SLC44A3: variants seen among roughly 807,000 people sequenced by gnomAD.
SLC44A3 encodes choline transporter-like protein 3.
In SLC44A3, 74 loss-of-function variants were observed where a neutral mutation model predicts 75.4. That is an observed-to-expected ratio of 0.98 (90% confidence interval 0.81 to 1.19). SLC44A3 has a LOEUF of 1.19. SLC44A3 is among the 50% of genes most tolerant of loss of function. The probability of loss-of-function intolerance (pLI) is 0.00; values close to 1 mark genes in which losing one functional copy is unlikely to be tolerated. For synonymous variants in SLC44A3, 310 were observed against 296.9 expected (o/e 1.04, Z -0.45); for missense variants, 700 against 778.6 (o/e 0.90, Z 1.20).
intron 8 of SLC44A3, 100 bp from the exon 9 acceptor site, chr1:94,845,178 G>A (rs1298816982): frequency 8.2e-7 from 1 of 1,222,588 alleles, no homozygotes; most frequent in African/African-American, 1.5e-5. Context: ...TCTTAAAAGA[G>A]CTGTTTGCTG....
chr1:94,892,368 T>C lies in SLC44A3; in HGVS notation c.1708T>C (p.Leu570=). 1.9e-6 allele frequency: 3 copies of C among 1,614,234 alleles called. No homozygotes were observed. The highest frequency in any genetic ancestry group is 2.5e-6 in the Non-Finnish European group (3 of 1,180,038). ...AFQVWAVPLL[L]VAFFAYLVAH... ...CCAGGTGTGGGCAGTCCCTCTGTTATTGGTAGCTTTTTTTGCCTACTTAGT... is the reference window on the plus strand; with the variant it reads ...CCAGGTGTGGGCAGTCCCTCTGTTACTGGTAGCTTTTTTTGCCTACTTAGT... Residue 570 remains leucine (L), a synonymous_variant, in exon 14 of 15, where the codon TTG becomes CTG. Transcript: ENST00000271227.
At chr1:94,822,395 GAGTC>G (rs1660733377) in intron 2 of SLC44A3, among the ~76,000 whole-genome samples, 1 of 152,216 alleles carries the variant, frequency 6.6e-6, no homozygotes, top group Admixed American at 6.5e-5. Context: ...TCTGTTTTAA[GAGTC>G]AGAGTCCTTT....
intron 2 of SLC44A3, among the ~76,000 whole-genome samples, chr1:94,823,853 C>T (rs151305712): frequency 1.9e-4 from 29 of 152,228 alleles, no homozygotes; most frequent in Non-Finnish European, 3.1e-4. Flanking sequence ...ATTAATGGCA[C>T]AGTTGTTTGA....
At chr1:94,849,057 ACTGCCAGCCTGTGCCC>A (rs923650313) in intron 9 of SLC44A3, among the ~76,000 whole-genome samples, 3 of 148,280 alleles carry the variant, frequency 2.0e-5, no homozygotes, top group African/African-American at 7.9e-5. Flanking sequence ...GTGCCCCTTA[ACTGCCAGCCTGTGCCC>A]CTGACTAGGT....
intron 3 of SLC44A3, among the ~76,000 whole-genome samples, chr1:94,827,071 C>G (rs1661464434): frequency 6.6e-6 from 1 of 152,202 alleles, no homozygotes; most frequent in Admixed American, 6.5e-5. Context: ...GCCTTGGCCC[C>G]CTCCTTTCCA....
At chr1:94,850,474 G>A (rs563092817) in intron 9 of SLC44A3, among the ~76,000 whole-genome samples, 12 of 152,264 alleles carry the variant, frequency 7.9e-5, no homozygotes, top group East Asian at 1.9e-4. Flanking sequence ...GACTTCCCGC[G>A]AGGTCTGTGC....
intron 10 of SLC44A3, among the ~76,000 whole-genome samples, chr1:94,857,963 G>A (rs975103042): frequency 1.3e-5 from 2 of 151,940 alleles, no homozygotes; most frequent in South Asian, 4.2e-4. Flanking sequence ...AAAGGCATGC[G>A]CCATCACACT....
At chr1:94,871,773 C>T (rs187309360) in intron 12 of SLC44A3, among the ~76,000 whole-genome samples, 2 of 152,266 alleles carry the variant, frequency 1.3e-5, no homozygotes, top group East Asian at 3.9e-4. Context: ...TTCATTTTTG[C>T]ATACAACAAG....
chr1:94,850,665 A>G (rs1665108103), intron 9 of SLC44A3, among the ~76,000 whole-genome samples: 1 of 152,180 alleles, frequency 6.6e-6, no homozygotes, highest in Admixed American at 6.5e-5. Context: ...CCATTTTTGC[A>G]ATGGAAAACT....
intron 9 of SLC44A3, among the ~76,000 whole-genome samples, chr1:94,846,980 G>A (rs1452336354): frequency 6.6e-6 from 1 of 152,256 alleles, no homozygotes; most frequent in East Asian, 1.9e-4. Context: ...CATGGCCCTT[G>A]GAGGCCTATG....
intron 12 of SLC44A3, among the ~76,000 whole-genome samples, chr1:94,885,121 T>C (rs1389173595): frequency 3.4e-5 from 5 of 147,660 alleles, no homozygotes; most frequent in Non-Finnish European, 7.4e-5. Context: ...TGGGTGCCTG[T>C]TGTCCCAATT....
chr1:94,882,620 C>T (rs1472389403), intron 12 of SLC44A3, among the ~76,000 whole-genome samples: 1 of 152,170 alleles, frequency 6.6e-6, no homozygotes, highest in African/African-American at 2.4e-5. Flanking sequence ...GGTCCTCTAA[C>T]TTGGACCTGC....
chr1:94,831,003 T>G (rs1662050937), intron 5 of SLC44A3, among the ~76,000 whole-genome samples: 1 of 152,206 alleles, frequency 6.6e-6, no homozygotes, highest in African/African-American at 2.4e-5. Context: ...TTTAAGTTCA[T>G]ACATCCAGCA....
chr1:94,847,229 C>T (rs1222731523), intron 9 of SLC44A3, among the ~76,000 whole-genome samples: 1 of 152,230 alleles, frequency 6.6e-6, no homozygotes, highest in Non-Finnish European at 1.5e-5. Flanking sequence ...AGGATCCATG[C>T]CAGCCTAGTT....
At chr1:94,859,315 A>G (rs1666291103) in intron 10 of SLC44A3, among the ~76,000 whole-genome samples, 1 of 152,192 alleles carries the variant, frequency 6.6e-6, no homozygotes, top group Non-Finnish European at 1.5e-5. Context: ...AGCCACTCAA[A>G]AAATCATGAA....
chr1:94,849,097 A>G (rs1049655595), intron 9 of SLC44A3, among the ~76,000 whole-genome samples: 2 of 152,114 alleles, frequency 1.3e-5, no homozygotes, highest in Non-Finnish European at 2.9e-5. Flanking sequence ...GGTTGGGCCC[A>G]GGGCTTAGTA....
chr1:94,825,565 G>A (rs1476893914), intron 3 of SLC44A3, among the ~76,000 whole-genome samples: 1 of 152,058 alleles, frequency 6.6e-6, no homozygotes, highest in Non-Finnish European at 1.5e-5. Flanking sequence ...TCCTGACCTT[G>A]TGATCTGTCA....
At chr1:94,850,168 T>C (rs1665021575) in intron 9 of SLC44A3, among the ~76,000 whole-genome samples, 1 of 152,226 alleles carries the variant, frequency 6.6e-6, no homozygotes, top group East Asian at 1.9e-4. Flanking sequence ...TTCTTTTGAC[T>C]AGTTGACAAA....
At chr1:94,887,182 GC>G (rs1452875244) in intron 12 of SLC44A3, among the ~76,000 whole-genome samples, 1 of 152,100 alleles carries the variant, frequency 6.6e-6, no homozygotes, top group African/African-American at 2.4e-5. Context: ...AAATACAAAT[GC>G]TCAGAACAAG....
Sources: allele counts gnomAD v4.1 joint callset (sites outside exome capture counted in the v4.1 genomes callset), GRCh38; gene constraint gnomAD v4.1.1; transcripts MANE v1.5; gene names NCBI Gene and HGNC (gene_info 2026-07-23, HGNC 2026-07-21).